Variants in KIF13A observed in about 807,000 individuals in gnomAD.
KIF13A encodes the protein kinesin-like protein KIF13A.
In KIF13A, 79 loss-of-function variants were observed where a neutral mutation model predicts 212.2. That is an observed-to-expected ratio of 0.37 (90% CI 0.31 to 0.45). KIF13A has a LOEUF of 0.45. Ranked by LOEUF, KIF13A falls within the 20% of genes least tolerant of loss-of-function variation. KIF13A has a pLI of 1.00. For missense variants in KIF13A, 1,901 were observed against 2,209.0 expected (o/e 0.86, Z 2.79); for synonymous variants, 789 against 808.6 (o/e 0.98, Z 0.41).
At chr6:17,964,654 CAGA>C (rs1319372297) in intron 2 of KIF13A, among the ~76,000 whole-genome samples, 1 of 151,952 alleles carries the variant, frequency 6.6e-6, no homozygotes, top group African/African-American at 2.4e-5. Flanking sequence ...AAGAGAAAGA[CAGA>C]AGTTTAAAGA....
intron 19 of KIF13A, among the ~76,000 whole-genome samples, chr6:17,805,029 G>T (rs903901893): frequency 2.0e-5 from 3 of 151,868 alleles, no homozygotes; most frequent in Non-Finnish European, 4.4e-5. Flanking sequence ...TCCAAAAAAT[G>T]GATTATGCAA....
At chr6:17,975,339 TA>T (rs1320866640) in intron 2 of KIF13A, among the ~76,000 whole-genome samples, 2 of 150,382 alleles carry the variant, frequency 1.3e-5, no homozygotes, top group South Asian at 4.2e-4. Flanking sequence ...TTGGTCTCAC[TA>T]ACTTCAAGAA....
intron 2 of KIF13A, among the ~76,000 whole-genome samples, chr6:17,924,672 A>G (rs1775346638): frequency 6.6e-6 from 1 of 152,226 alleles, no homozygotes; most frequent in Admixed American, 6.5e-5. Context: ...AACAAGGACA[A>G]AGAGTTATAG....
At chr6:17,830,961 C>G (rs1179976935) in intron 13 of KIF13A, 140 bp downstream of exon 13, 2 of 695,204 alleles carry the variant, frequency 2.9e-6, no homozygotes, top group South Asian at 2.0e-5. Context: ...CAGTGGTGAT[C>G]GGAGGGCACT....
In KIF13A at chr6:17,833,971, T is replaced by A; in HGVS notation, c.1256A>T (p.Glu419Val). 1 of 1,560,730 alleles carries A rather than the reference T, an allele frequency of 6.4e-7. No individual in the cohort carries two copies. The highest frequency in any genetic ancestry group is 1.2e-5 in the South Asian group (1 of 84,156). Residue 419 changes from glutamate to valine, a missense_variant, in exon 12 of 39, where the codon GAG becomes GTG. By Grantham distance (121) the Glu-to-Val change is moderately radical. This residue lies in a region of KIF13A where 506 missense variants were observed against 637.4 expected (regional missense o/e 0.79). Coordinates refer to ENST00000259711, the MANE Select transcript of KIF13A (RefSeq NM_022113.6). ...TWEEKLRKTE[E>V]IAQERQRQLE... is the part of the protein sequence containing the mutation. ...AAATTATCAAGCTACCTGTGCTATC[T>A]CTTCTGTTTTTCTCAGCTTCTCTTC...
chr6:17,914,103 T>C lies in KIF13A; in HGVS notation c.147-15923A>G, dbSNP rs1013308244. 6.6e-6 allele frequency among the ~76,000 whole-genome samples: 1 copy of C among 152,230 alleles called. No homozygotes were observed. Among genetic ancestry groups the C allele is most frequent in the African/African-American group, 2.4e-5 (1 of 41,470 alleles). On this transcript the variant is annotated intron_variant, in intron 2 of 38. Transcript: ENST00000259711. This position sits in a 1 kb window ranked among gnomAD's most constrained non-coding sequence, Gnocchi z 5.9. ...AAAAGGAAAAAGAAATGGTCCTTTA[T>C]CACAGATGTTTCGAGAAGCACATAA...
intron 2 of KIF13A, among the ~76,000 whole-genome samples, chr6:17,921,294 C>T (rs1240896523): frequency 6.6e-6 from 1 of 152,206 alleles, no homozygotes; most frequent in Non-Finnish European, 1.5e-5. Context: ...AGACATTCTT[C>T]CCTGCATGGC....
chr6:17,900,922 C>CA lies in KIF13A; in HGVS notation c.147-2743dup, dbSNP rs1157695037. 6.6e-6 allele frequency among the ~76,000 whole-genome samples: 1 copy of CA among 151,594 alleles called. No individual in the cohort carries two copies. Among genetic ancestry groups the CA allele is most frequent in the Non-Finnish European group, 1.5e-5 (1 of 67,892 alleles). On this transcript the variant is annotated intron_variant, in intron 2 of 38. Coordinates refer to ENST00000259711, the MANE Select transcript of KIF13A (RefSeq NM_022113.6). This position sits in a 1 kb window ranked among gnomAD's most constrained non-coding sequence, Gnocchi z 4.6. ...TGAAACCCCGCCTCTACTAAAAATA[C>CA]AAAAAATTAGCCGGGCGTGGTGGCG...
chr6:17,968,602 G>A lies in KIF13A; in HGVS notation c.146+18452C>T, dbSNP rs1779529834. Among the ~76,000 whole-genome samples, 1 of 152,158 alleles carries A rather than the reference G, an allele frequency of 6.6e-6. No individual in the cohort carries two copies. Among genetic ancestry groups the A allele is most frequent in the Admixed American group, 6.5e-5 (1 of 15,278 alleles). On this transcript the variant is annotated intron_variant, in intron 2 of 38. Coordinates refer to ENST00000259711, the MANE Select transcript of KIF13A (RefSeq NM_022113.6). This position sits in a 1 kb window ranked among gnomAD's most constrained non-coding sequence, Gnocchi z 4.7. ...ATCTGCAGCTAATGCTGCTCCATAG[G>A]TTGTGCAGTGAACATTAAAAATGTG...
At chr6:17,957,865 G>A (rs1305057336) in intron 2 of KIF13A, among the ~76,000 whole-genome samples, 1 of 152,218 alleles carries the variant, frequency 6.6e-6, no homozygotes, top group Non-Finnish European at 1.5e-5. Flanking sequence ...CTCATGGCCA[G>A]ACAGAGTTGT....
intron 9 of KIF13A, among the ~76,000 whole-genome samples, chr6:17,841,929 G>C (rs1766546063): frequency 6.6e-6 from 1 of 151,176 alleles, no homozygotes; most frequent in South Asian, 2.1e-4. Flanking sequence ...TTATATGTCT[G>C]TGTGTTTGTG....
At chr6:17,964,734 C>T (rs1036594513) in intron 2 of KIF13A, among the ~76,000 whole-genome samples, 7 of 152,072 alleles carry the variant, frequency 4.6e-5, no homozygotes, top group African/African-American at 1.7e-4. Context: ...TTTTCATGGG[C>T]TTAGGTCAGT....
rs2150376610 is a variant in KIF13A, at chr6:17,834,306, AT to A, written c.1156-236del. 6.6e-6 allele frequency among the ~76,000 whole-genome samples: 1 copy of A among 152,374 alleles called. No homozygotes were observed. The highest frequency in any genetic ancestry group is 2.4e-5 in the African/African-American group (1 of 41,590). On this transcript the variant is annotated intron_variant, in intron 11 of 38. Transcript: ENST00000259711. This position sits in a 1 kb window ranked among gnomAD's most constrained non-coding sequence, Gnocchi z 4.0. ...ATGAAAATGAAACAAATCATTAGTCATTTTATCCATTATACTTAAATTTCAC... is the reference window on the plus strand; with the variant it reads ...ATGAAAATGAAACAAATCATTAGTCATTTATCCATTATACTTAAATTTCAC...
intron 19 of KIF13A, 81 bp downstream of exon 19, chr6:17,805,370 CGTGTGTGTGTGTGTGTGTGTGTGT>C: frequency 1.1e-4 from 80 of 736,970 alleles, no homozygotes; most frequent in Middle Eastern, 3.4e-4. Flanking sequence ...AGCACATCTC[CGTGTGTGTGTGTGTGTGTGTGTGT>C]GTGTGTGTGT....
chr6:17,872,867 C>A lies in KIF13A; in HGVS notation c.220+510G>T, dbSNP rs533625101. ...TTCAAGCTGGTCTTGAACTCCTGAC[C>A]TCAAGTGATCCGCCCACCTCGGCCT... On this transcript the variant is annotated intron_variant, in intron 4 of 38. Coordinates refer to ENST00000259711, the MANE Select transcript of KIF13A (RefSeq NM_022113.6). The surrounding 1 kb of genome is among the most constrained non-coding windows in gnomAD (Gnocchi z 4.7). 3.8e-4 allele frequency among the ~76,000 whole-genome samples: 58 copies of A among 152,260 alleles called. No homozygotes were observed. The highest frequency in any genetic ancestry group is 7.5e-4 in the Non-Finnish European group (51 of 68,026).
At chr6:17,851,827 T>C (rs1581525062) in intron 7 of KIF13A, 128 bp downstream of exon 7, 1 of 450,222 alleles carries the variant, frequency 2.2e-6, no homozygotes, top group Non-Finnish European at 4.0e-6. Flanking sequence ...GGTGTGCTGA[T>C]ACTGGGTTTC....
In KIF13A at chr6:17,783,727, A is replaced by G. The variant is rs1760807628; in HGVS notation, c.3489-26T>C. ...CTAAATTTAATAACAACATTTAATCATAACAAAATATGTATTTTACATCTT... is the reference window on the plus strand; with the variant it reads ...CTAAATTTAATAACAACATTTAATCGTAACAAAATATGTATTTTACATCTT... On this transcript the variant is annotated intron_variant, in intron 28 of 38. Coordinates refer to ENST00000259711, the MANE Select transcript of KIF13A (RefSeq NM_022113.6). This position sits in a 1 kb window ranked among gnomAD's most constrained non-coding sequence, Gnocchi z 4.3. The G allele has an allele frequency of 7.1e-7, 1 of 1,410,632 alleles. No homozygotes were observed. The highest frequency in any genetic ancestry group is 9.8e-7 in the Non-Finnish European group (1 of 1,016,460). 87.4% of individuals were successfully genotyped at this position (1,410,632 alleles called of 1,614,324 possible). A position where few individuals can be genotyped will look rare whatever the true frequency, so the allele number is the denominator to read the frequency against.
At chr6:17,929,069 A>AAAAC (rs1775752453) in intron 2 of KIF13A, among the ~76,000 whole-genome samples, 2 of 130,324 alleles carry the variant, frequency 1.5e-5, no homozygotes, top group Admixed American at 7.9e-5. Context: ...CAAAAAAAAA[A>AAAAC]AAAAAAAAAA....
chr6:17,916,708 AG>A (rs1463566881), intron 2 of KIF13A, among the ~76,000 whole-genome samples: 2 of 152,216 alleles, frequency 1.3e-5, no homozygotes, highest in African/African-American at 4.8e-5. Context: ...TATTTGTGCA[AG>A]ATATTTAGAG....
Sources: gnomAD v4.1 joint callset for allele counts (sites outside exome capture counted in the v4.1 genomes callset) on GRCh38, gnomAD v4.1.1 for gene constraint, gnomAD v4.1.1 regional missense constraint, Gnocchi (gnomAD v3.1) non-coding constraint, MANE v1.5 for transcripts, NCBI Gene and HGNC (gene_info 2026-07-23, HGNC 2026-07-21) for gene names.